The following SETD4 variants were observed in gnomAD, a reference collection of about 807,000 sequenced individuals.
SETD4 encodes the protein SET domain-containing protein 4.
A neutral mutation model predicts 58.3 loss-of-function variants in SETD4; 46 were observed. That is an observed-to-expected ratio of 0.79 (90% confidence interval 0.62 to 1.01). The LOEUF is 1.01. Ranked by LOEUF, SETD4 falls within the 50% of genes least tolerant of loss-of-function variation. The pLI is 0.00. For synonymous variants in SETD4, 190 were observed against 202.6 expected, an observed-to-expected ratio of 0.94 and a Z score of 0.53; for missense variants, 490 against 523.3, an observed-to-expected ratio of 0.94 and a Z score of 0.62.
intron 2 of SETD4, among the ~76,000 whole-genome samples, chr21:36,058,316 C>A (rs1450797969): frequency 2.0e-5 from 3 of 152,062 alleles, no homozygotes; most frequent in Admixed American, 2.0e-4. Flanking sequence ...GCCTGTGCAA[C>A]ATAGACCCTG....
In SETD4 at chr21:36,043,921, G is replaced by C; in HGVS notation, c.762C>G (p.Tyr254Ter). 6.2e-7 allele frequency: 1 copy of C among 1,614,092 alleles called. No homozygotes were observed. The highest frequency in any genetic ancestry group is 8.5e-7 in the Non-Finnish European group (1 of 1,180,008). Residue 254 changes from tyrosine (Y) to a stop codon, truncating the protein, a stop_gained, in exon 7 of 12, where the codon TAC becomes TAG. Coordinates refer to ENST00000332131, the MANE Select transcript of SETD4 (RefSeq NM_017438.5). LOFTEE classifies it high-confidence loss of function. ...KAAFNEETHS[Y>*]EIRTTSRWRK... is the part of the protein sequence containing the mutation. ...TCCAACGTGAAGTCGTTCTAATTTC[G>C]TAAGAATGAGTTTCTTCATTAAACG...
intron 4 of SETD4, 41 bp from the exon 5 acceptor site, chr21:36,048,437 G>C: frequency 1.3e-6 from 2 of 1,568,472 alleles, no homozygotes; most frequent in South Asian, 1.1e-5. Context: ...CCTATGCTTT[G>C]GGAAGGACCC....
chr21:36,043,596 C>T (rs1290655261), intron 7 of SETD4, 186 bp downstream of exon 7: 9 of 1,403,144 alleles, frequency 6.4e-6, no homozygotes, highest in African/African-American at 4.3e-5. Context: ...GTCAAAACTT[C>T]GTTGTTTTTA....
chr21:36,051,274 G>A, intron 4 of SETD4: 1 of 1,595,640 alleles, frequency 6.3e-7, no homozygotes, highest in Non-Finnish European at 8.6e-7. Context: ...TCTGTTGACA[G>A]TGACCCTGAA....
intron 1 of SETD4, 43 bp downstream of exon 1, chr21:36,060,304 C>G (rs1457844410): frequency 2.9e-5 from 8 of 275,574 alleles, no homozygotes; most frequent in Non-Finnish European, 3.9e-5. Flanking sequence ...GCTCCCGTTA[C>G]CCGGGCAACT....
In SETD4 at chr21:36,035,763, C is replaced by T. The variant is rs1279790800; in HGVS notation, c.*230G>A. 1.1e-5 allele frequency: 3 copies of T among 275,426 alleles called. No individual in the cohort carries two copies. Among genetic ancestry groups the T allele is most frequent in the South Asian group, 3.8e-5 (1 of 26,290 alleles). The allele number at this position is 275,426 out of a possible 1,614,324, so 17.1% of individuals were successfully genotyped here. A position where few individuals can be genotyped will look rare whatever the true frequency, so the allele number is the denominator to read the frequency against. ...ACGGACGCAGCTGGCTCCTGGCTGC[C>T]TCACAGTCCGCCTCTCTCCTCACAG... On this transcript the variant is annotated 3_prime_UTR_variant, in exon 12 of 12. Coordinates refer to ENST00000332131, the MANE Select transcript of SETD4 (RefSeq NM_017438.5).
chr21:36,050,951 G>A, intron 4 of SETD4: 1 of 1,609,458 alleles, frequency 6.2e-7, no homozygotes, highest in East Asian at 2.2e-5. Flanking sequence ...GTGAACAAGG[G>A]AAGCAGCTAG....
At chr21:36,047,336 C>T (rs977602884) in intron 5 of SETD4, among the ~76,000 whole-genome samples, 1 of 152,172 alleles carries the variant, frequency 6.6e-6, no homozygotes, top group African/African-American at 2.4e-5. Context: ...CTCACTCTGT[C>T]CTCAAAGATG....
At chr21:36,041,666 T>C (rs1274539998) in intron 8 of SETD4, 141 bp downstream of exon 8, 7 of 600,546 alleles carry the variant, frequency 1.2e-5, no homozygotes, top group Non-Finnish European at 1.8e-5. Context: ...GCAGTTTTAC[T>C]GCACATAGTA....
chr21:36,044,230 G>A (rs771630159), intron 6 of SETD4, among the ~76,000 whole-genome samples: 7 of 152,322 alleles, frequency 4.6e-5, no homozygotes, highest in South Asian at 2.1e-4. Flanking sequence ...TATTGGTCAC[G>A]TCCACTCACA....
At chr21:36,057,468 G>A in intron 2 of SETD4, 3 of 610,696 alleles carry the variant, frequency 4.9e-6, no homozygotes, top group Non-Finnish European at 9.0e-6. Flanking sequence ...AACACAGAAA[G>A]ACCCCATCTC....
intron 10 of SETD4, among the ~76,000 whole-genome samples, chr21:36,037,880 C>G (rs1322911694): frequency 6.6e-6 from 1 of 151,916 alleles, no homozygotes. Context: ...CCTGTAATCC[C>G]AGCTACCCGG....
rs35920101 is a variant in SETD4, at chr21:36,041,159, C to CA, written c.984-505dup. The stretch of plus-strand genomic sequence containing the variant: ...TGGGCGACAGAGCAAGACTCCTTCT[C>CA]AAAAAAAAAAAAAAAAAAAAAAAAA... On this transcript the variant is annotated intron_variant, in intron 8 of 11. Coordinates refer to ENST00000332131, the MANE Select transcript of SETD4 (RefSeq NM_017438.5). Among the ~76,000 whole-genome samples the CA allele has an allele frequency of 3.4e-3, 135 of 40,036 alleles. 5 individuals carry two copies. Among genetic ancestry groups the CA allele is most frequent in the East Asian group, 9.0e-3 (9 of 1,004 alleles). The allele number at this position is 40,036 out of a possible 152,430, so 26.3% of individuals were successfully genotyped here.
At chr21:36,037,339 T>A (rs1315572613) in intron 10 of SETD4, among the ~76,000 whole-genome samples, 1 of 152,028 alleles carries the variant, frequency 6.6e-6, no homozygotes, top group East Asian at 1.9e-4. Context: ...GTGCAGTGGC[T>A]CATGCCTGTA....
Position 36,036,264 on chromosome 21 carries a change from T to A in SETD4, c.1189-13A>T, listed in dbSNP as rs1381782352. The A allele has an allele frequency of 1.2e-5, 19 of 1,574,238 alleles. No homozygotes were observed. The highest frequency in any genetic ancestry group is 1.5e-5 in the Non-Finnish European group (18 of 1,166,114). On this transcript the variant is annotated splice_polypyrimidine_tract_variant and intron_variant, in intron 10 of 11. Coordinates refer to ENST00000332131, the MANE Select transcript of SETD4 (RefSeq NM_017438.5). ...TCATATGAGACACCTGAAAGTTATT[T>A]TTTAATTATTGTTATTGTAGTAAAA...
chr21:36,036,500 C>G (rs192226092), intron 10 of SETD4: 1 of 389,272 alleles, frequency 2.6e-6, no homozygotes, highest in East Asian at 1.6e-4. Context: ...ACTCCACTCT[C>G]TGTCTCTACG....
intron 4 of SETD4, chr21:36,053,328 G>C (rs1169563762): frequency 7.4e-6 from 4 of 542,614 alleles, no homozygotes; most frequent in Non-Finnish European, 1.3e-5. Flanking sequence ...CACCAGCCAG[G>C]GTCAGCCTAC....
chr21:36,038,127 G>A (rs1601191840), intron 10 of SETD4, 23 bp downstream of exon 10: 1 of 1,603,182 alleles, frequency 6.2e-7, no homozygotes, highest in Non-Finnish European at 8.5e-7. Context: ...CTTCTTTAAG[G>A]ATGTCATATT....
intron 4 of SETD4, chr21:36,051,110 C>A: frequency 7.1e-7 from 1 of 1,414,814 alleles, no homozygotes; most frequent in Non-Finnish European, 1.0e-6. Flanking sequence ...TAGCTGGTAT[C>A]AGAGCAGACT....
Sources: gnomAD v4.1 joint callset for allele counts (sites outside exome capture counted in the v4.1 genomes callset) on GRCh38, gnomAD v4.1.1 for gene constraint, MANE v1.5 for transcripts, NCBI Gene and HGNC (gene_info 2026-07-23, HGNC 2026-07-21) for gene names.